Variants in KIN observed in about 807,000 individuals in gnomAD.
KIN encodes Kin17 DNA and RNA binding protein.
KIN carries 47 observed loss-of-function variants against 63.0 expected under a neutral mutation model. The observed-to-expected ratio is 0.75, with a 90% confidence interval of 0.59 to 0.95. KIN has a LOEUF of 0.95. Ranked by LOEUF, KIN falls within the 40% of genes least tolerant of loss-of-function variation. KIN has a pLI of 0.00. For missense variants in KIN, 408 were observed against 460.9 expected (o/e 0.89, Z 1.05); for synonymous variants, 160 against 157.7 (o/e 1.01, Z -0.11).
intron 7 of KIN, among the ~76,000 whole-genome samples, chr10:7,769,737 A>G (rs933849319): frequency 2.6e-5 from 4 of 152,144 alleles, no homozygotes; most frequent in Non-Finnish European, 4.4e-5. Context: ...CACTTTCCTA[A>G]GCCTCAAATC....
intron 11 of KIN, chr10:7,761,099 G>A (rs1279539852): frequency 6.6e-6 from 1 of 152,176 alleles, no homozygotes; most frequent in Non-Finnish European, 1.5e-5. Context: ...AGGAGGGAGG[G>A]ATTAGAGAGG....
chr10:7,764,242 A>T (rs1378994041), intron 9 of KIN, among the ~76,000 whole-genome samples: 1 of 152,228 alleles, frequency 6.6e-6, no homozygotes, highest in Non-Finnish European at 1.5e-5. Flanking sequence ...CTTATGCAGG[A>T]CAGTTCTCAC....
Position 7,769,350 on chromosome 10 carries a change from TG to T in KIN, c.669-6del. Reference sequence around the variant, plus strand: ...AGTGCACTCGGTCCCAGAGTACTGATGAACAGGAGAACCATGCTTGTTACCA... The same window carrying T: ...AGTGCACTCGGTCCCAGAGTACTGATAACAGGAGAACCATGCTTGTTACCA... On this transcript the variant is annotated splice_region_variant and splice_polypyrimidine_tract_variant and intron_variant, in intron 7 of 12. Coordinates refer to ENST00000379562, the MANE Select transcript of KIN (RefSeq NM_012311.4). The T allele has an allele frequency of 6.2e-7, 1 of 1,609,576 alleles. No individual in the cohort carries two copies. The highest frequency in any genetic ancestry group is 2.2e-5 in the East Asian group (1 of 44,834).
chr10:7,765,953 T>A (rs1835534871), intron 9 of KIN, 100 bp downstream of exon 9: 1 of 763,324 alleles, frequency 1.3e-6, no homozygotes. Flanking sequence ...CTATATAGAT[T>A]ATACGTGTTT....
chr10:7,782,812 G>A (rs1382803884), intron 2 of KIN, among the ~76,000 whole-genome samples: 2 of 152,178 alleles, frequency 1.3e-5, no homozygotes, highest in Non-Finnish European at 2.9e-5. Flanking sequence ...TCTGAATGCA[G>A]AACCTATGTT....
At chr10:7,775,517 G>T (rs146766143) in intron 6 of KIN, among the ~76,000 whole-genome samples, 1 of 152,172 alleles carries the variant, frequency 6.6e-6, no homozygotes, top group Non-Finnish European at 1.5e-5. Context: ...TTCTTATTAT[G>T]GCAAGATATT....
chr10:7,757,824 A>C (rs1303148377), intron 12 of KIN, among the ~76,000 whole-genome samples: 4 of 152,170 alleles, frequency 2.6e-5, no homozygotes, highest in Non-Finnish European at 2.9e-5. Flanking sequence ...GGAGCCAGAC[A>C]TTTGGGCTTA....
chr10:7,769,415 T>A lies in KIN; in HGVS notation c.669-70A>T, dbSNP rs187436097. On this transcript the variant is annotated intron_variant, in intron 7 of 12. Coordinates refer to ENST00000379562, the MANE Select transcript of KIN (RefSeq NM_012311.4). ...GACGAATGCTTTACGATGTGCAAAA[T>A]TCACAATATAGAATAAATGTGTGAC... The A allele has an allele frequency of 1.3e-4, 189 of 1,456,890 alleles. 2 individuals carry two copies. The East Asian group carries it at 3.6e-3, about 28-fold the overall frequency. 90.2% of individuals were successfully genotyped at this position (1,456,890 alleles called of 1,614,324 possible). A position where few individuals can be genotyped will look rare whatever the true frequency, so the allele number is the denominator to read the frequency against.
At chr10:7,757,660 T>G (rs1268094196) in intron 12 of KIN, among the ~76,000 whole-genome samples, 1 of 152,162 alleles carries the variant, frequency 6.6e-6, no homozygotes, top group Non-Finnish European at 1.5e-5. Flanking sequence ...AACATTTTTT[T>G]ACTGCTTCCC....
At position 7,787,955 on chromosome 10, in the gene KIN, T is replaced by C. The variant is rs777414024; in HGVS notation, c.-22A>G. The C allele has an allele frequency of 6.4e-7, 1 of 1,563,574 alleles. No individual in the cohort carries two copies. Among genetic ancestry groups the C allele is most frequent in the Non-Finnish European group, 8.8e-7 (1 of 1,134,020 alleles). On this transcript the variant is annotated 5_prime_UTR_variant, in exon 1 of 13. Transcript: ENST00000379562. The stretch of plus-strand genomic sequence containing the variant: ...CCATGGCGACCACGGCAGCGATCAC[T>C]TTCTGGACCCCAGTACTCAGCCAGC...
rs146001586 is a variant in KIN, at chr10:7,769,197, C to T, written c.798+19G>A. On this transcript the variant is annotated intron_variant, in intron 8 of 12. Transcript: ENST00000379562. ...TTCCTTGGGTTCTAAGGTGTCCACA[C>T]GCAATCCATAAACTGTACCTCCATG... The T allele has an allele frequency of 1.6e-4, 263 of 1,594,730 alleles. No individual in the cohort carries two copies. The African/African-American group carries it at 3.0e-3, about 18-fold the overall frequency.
chr10:7,779,962 A>T (rs1564324140), intron 4 of KIN, 94 bp downstream of exon 4: 1 of 1,355,966 alleles, frequency 7.4e-7, no homozygotes, highest in Non-Finnish European at 1.0e-6. Context: ...CAAAACACTG[A>T]CCCAATTTTT....
chr10:7,781,905 A>AAAATTAGCGGAGCGTGGT (rs1835904660), intron 2 of KIN, among the ~76,000 whole-genome samples: 1 of 152,072 alleles, frequency 6.6e-6, no homozygotes, highest in South Asian at 2.1e-4. Context: ...AAAAATATAA[A>AAAATTAGCGGAGCGTGGT]AAATTAGCGG....
At chr10:7,787,529 C>T (rs1836047776) in intron 1 of KIN, among the ~76,000 whole-genome samples, 1 of 152,210 alleles carries the variant, frequency 6.6e-6, no homozygotes, top group African/African-American at 2.4e-5. Flanking sequence ...GCAGTATCCC[C>T]GCCCCTGTGA....
At chr10:7,760,720 T>C (rs1054660514) in intron 11 of KIN, among the ~76,000 whole-genome samples, 2 of 152,210 alleles carry the variant, frequency 1.3e-5, no homozygotes, top group Admixed American at 6.5e-5. Context: ...TCTTTTACTG[T>C]GCCTAATTCA....
intron 11 of KIN, 126 bp downstream of exon 11, chr10:7,762,331 G>A (rs962119861): frequency 2.3e-5 from 12 of 523,488 alleles, no homozygotes; most frequent in East Asian, 9.3e-5. Context: ...GATGAGTTAC[G>A]CTGGCAGTTA....
rs1835870270 is a variant in KIN at position 7,780,259 on chromosome 10, T to C, written c.253+5A>G. 18 of 1,609,510 alleles carry C rather than the reference T, an allele frequency of 1.1e-5. No individual in the cohort carries two copies. The highest frequency in any genetic ancestry group is 1.4e-5 in the Non-Finnish European group (17 of 1,178,718). Reference sequence around the variant, plus strand: ...TGTTATTTGCACAATATTTAAAATGTTTACCAAAGCGTCTCCTGAGAAGTT... The same window carrying C: ...TGTTATTTGCACAATATTTAAAATGCTTACCAAAGCGTCTCCTGAGAAGTT... On this transcript the variant is annotated splice_donor_5th_base_variant and intron_variant, in intron 3 of 12. Coordinates refer to ENST00000379562, the MANE Select transcript of KIN (RefSeq NM_012311.4).
chr10:7,777,049 C>A, intron 5 of KIN, among the ~76,000 whole-genome samples: 2 of 77,834 alleles, frequency 2.6e-5, no homozygotes, highest in African/African-American at 5.4e-5. Flanking sequence ...GAGAGACAGT[C>A]TCTCAAAAAA....
intron 8 of KIN, 29 bp from the exon 9 acceptor site, chr10:7,766,132 C>T (rs1322485031): frequency 1.3e-6 from 2 of 1,516,024 alleles, no homozygotes; most frequent in Non-Finnish European, 1.8e-6. Context: ...CTTAAATTAT[C>T]TCCCTAAAAT....
Sources: allele counts gnomAD v4.1 joint callset (sites outside exome capture counted in the v4.1 genomes callset), GRCh38; gene constraint gnomAD v4.1.1; transcripts MANE v1.5; gene names NCBI Gene and HGNC (gene_info 2026-07-23, HGNC 2026-07-21).